SUGCT: variants seen among roughly 807,000 people sequenced by gnomAD.
The protein encoded by SUGCT is succinyl-CoA:glutarate-CoA transferase.
A neutral mutation model predicts 55.0 loss-of-function variants in SUGCT; 41 were observed. The observed-to-expected ratio is 0.74, with a 90% CI of 0.58 to 0.97. SUGCT has a LOEUF of 0.97. Ranked by LOEUF, SUGCT falls within the 50% of genes least tolerant of loss-of-function variation. The pLI is 0.00. For missense variants in SUGCT, 568 were observed against 547.8 expected (o/e 1.04, Z -0.37); for synonymous variants, 187 against 200.4 (o/e 0.93, Z 0.56).
At chr7:40,176,807 T>C (rs1784945320) in intron 1 of SUGCT, among the ~76,000 whole-genome samples, 1 of 151,914 alleles carries the variant, frequency 6.6e-6, no homozygotes, top group African/African-American at 2.4e-5. Context: ...ACCCCGTCTC[T>C]ACTAAAAATA....
chr7:40,391,452 C>A (rs1337089549), intron 9 of SUGCT, among the ~76,000 whole-genome samples: 1 of 152,136 alleles, frequency 6.6e-6, no homozygotes, highest in Non-Finnish European at 1.5e-5. Context: ...AATCAAACAA[C>A]CCCATCAAAA....
intron 9 of SUGCT, among the ~76,000 whole-genome samples, chr7:40,358,323 T>A (rs894004438): frequency 1.8e-4 from 28 of 152,222 alleles, no homozygotes; most frequent in African/African-American, 6.0e-4. Context: ...GAGCATATTA[T>A]TTTGCGTAAC....
At chr7:40,541,261 AG>A (rs1209270021) in intron 12 of SUGCT, among the ~76,000 whole-genome samples, 1 of 152,240 alleles carries the variant, frequency 6.6e-6, no homozygotes, top group African/African-American at 2.4e-5. Flanking sequence ...TTAGAAAACC[AG>A]AGAGAGCCAA....
intron 9 of SUGCT, among the ~76,000 whole-genome samples, chr7:40,333,314 G>GAAAC (rs1004283887): frequency 6.6e-6 from 1 of 151,924 alleles, no homozygotes; most frequent in Non-Finnish European, 1.5e-5. Flanking sequence ...TGTGAATGAG[G>GAAAC]AAACACATGG....
chr7:40,588,952 G>A (rs1481885372), intron 12 of SUGCT, among the ~76,000 whole-genome samples: 1 of 151,968 alleles, frequency 6.6e-6, no homozygotes, highest in Admixed American at 6.6e-5. Context: ...TGATATTTTT[G>A]CTTGCTAGGA....
At chr7:41,000,207 T>TAC in the SUGCT span, among the ~76,000 whole-genome samples, 1 of 151,748 alleles carries the variant, frequency 6.6e-6, no homozygotes, top group South Asian at 2.1e-4. Context: ...CTTACACACA[T>TAC]ACACACACAC....
chr7:40,496,747 A>ATATGATTATCTTAAACCTCTGATCG, intron 12 of SUGCT, among the ~76,000 whole-genome samples: 1 of 152,196 alleles, frequency 6.6e-6, no homozygotes, highest in Non-Finnish European at 1.5e-5. Flanking sequence ...ACCTCTGATC[A>ATATGATTATCTTAAACCTCTGATCG]TATGATTATC....
At chr7:40,394,194 C>T (rs774471023) in intron 9 of SUGCT, among the ~76,000 whole-genome samples, 25 of 152,044 alleles carry the variant, frequency 1.6e-4, no homozygotes, top group Non-Finnish European at 2.5e-4. Context: ...AATAATGATG[C>T]CGAAGTCACT....
At chr7:40,548,587 G>A (rs1044915889) in intron 12 of SUGCT, among the ~76,000 whole-genome samples, 3 of 151,838 alleles carry the variant, frequency 2.0e-5, no homozygotes, top group East Asian at 1.9e-4. Context: ...TATATACCAC[G>A]TGCCCACATA....
At chr7:41,036,040 T>G in the SUGCT span, among the ~76,000 whole-genome samples, 1 of 152,200 alleles carries the variant, frequency 6.6e-6, no homozygotes. Flanking sequence ...AGTGACAGTT[T>G]CCTCTGAGGC....
intron 3 of SUGCT, among the ~76,000 whole-genome samples, chr7:40,187,420 A>G (rs1282185345): frequency 6.6e-5 from 10 of 152,112 alleles, no homozygotes; most frequent in Non-Finnish European, 8.8e-5. Context: ...ATGTACCCTA[A>G]AACTTAAAGT....
chr7:40,827,804 C>T (rs540407579), intron 13 of SUGCT, among the ~76,000 whole-genome samples: 1 of 152,234 alleles, frequency 6.6e-6, no homozygotes, highest in East Asian at 1.9e-4. Context: ...TTAAACTTCA[C>T]AAAAGCAACA....
chr7:40,949,198 A>T, the SUGCT span, among the ~76,000 whole-genome samples: 2 of 152,140 alleles, frequency 1.3e-5, no homozygotes, highest in Non-Finnish European at 2.9e-5. Flanking sequence ...CATTTCTCTG[A>T]TGGCCAGTGA....
the SUGCT span, among the ~76,000 whole-genome samples, chr7:40,911,781 G>A: frequency 2.6e-5 from 4 of 151,908 alleles, no homozygotes; most frequent in African/African-American, 7.3e-5. Flanking sequence ...AAGAACCATC[G>A]GTATAAAGGA....
In SUGCT at chr7:40,802,346, C is replaced by G. The variant is rs559876684; in HGVS notation, c.1153+52849C>G. 1.7e-4 allele frequency among the ~76,000 whole-genome samples: 26 copies of G among 152,194 alleles called. 1 individual carries two copies. Among genetic ancestry groups the G allele is most frequent in the Middle Eastern group, 3.4e-3 (1 of 294 alleles). On this transcript the variant is annotated intron_variant, in intron 13 of 13. Coordinates refer to ENST00000335693, the MANE Select transcript of SUGCT (RefSeq NM_001193313.2). ...CACGCACACACCACACACACACACA[C>G]AGTCACCTTCAAGTTGTCTTCTTGC...
intron 12 of SUGCT, among the ~76,000 whole-genome samples, chr7:40,609,540 G>T (rs1798678190): frequency 7.0e-6 from 1 of 141,866 alleles, no homozygotes; most frequent in African/African-American, 2.6e-5. Context: ...AACAGAGCGA[G>T]ACTCCATCTC....
chr7:40,382,372 A>G (rs1443284165), intron 9 of SUGCT, among the ~76,000 whole-genome samples: 1 of 152,196 alleles, frequency 6.6e-6, no homozygotes, highest in Non-Finnish European at 1.5e-5. Flanking sequence ...CTTAGCTCAT[A>G]TTATGTAGTC....
the SUGCT span, chr7:40,965,027 T>G: frequency 6.6e-6 from 1 of 152,222 alleles, no homozygotes; most frequent in African/African-American, 2.4e-5. Flanking sequence ...ATATTTGGGT[T>G]TACAAATTGC....
Position 40,572,869 on chromosome 7 carries a change from A to G in SUGCT, c.1089+76483A>G, listed in dbSNP as rs17171738. Among the ~76,000 whole-genome samples the G allele has an allele frequency of 3.0e-3, 457 of 152,230 alleles. 6 individuals are homozygous for G. The highest frequency in any genetic ancestry group is 0.03 in the East Asian group (154 of 5,170). On this transcript the variant is annotated intron_variant, in intron 12 of 13. Coordinates refer to ENST00000335693, the MANE Select transcript of SUGCT (RefSeq NM_001193313.2). ...TGTCATTGGTAGCATCCATTGTGGC[A>G]TCAAACTTCTGTGAAAGAAGAGAAG...
Sources: gnomAD v4.1 joint callset for allele counts (sites outside exome capture counted in the v4.1 genomes callset) on GRCh38, gnomAD v4.1.1 for gene constraint, MANE v1.5 for transcripts, NCBI Gene and HGNC (gene_info 2026-07-23, HGNC 2026-07-21) for gene names.